The following CLDN14 variants were observed in gnomAD, a reference collection of about 807,000 sequenced individuals.
CLDN14 encodes the protein claudin-14.
CLDN14 carries 2 observed loss-of-function variants against 2.1 expected under a neutral mutation model. The ratio of observed to expected loss-of-function variants is 0.96; its 90% CI spans 0.39 to 3.01. The LOEUF (loss-of-function observed/expected upper bound fraction) is 3.01. Ranked by LOEUF, CLDN14 falls within the 30% of genes most tolerant of loss-of-function variation. The pLI, the probability that CLDN14 is intolerant of heterozygous loss-of-function variation, is 0.09. For synonymous variants in CLDN14, 136 were observed against 154.4 expected (o/e 0.88, Z 0.88); for missense variants, 298 against 328.0 (o/e 0.91, Z 0.71).
chr21:36,494,783 C>T (rs983278700), intron 2 of CLDN14, among the ~76,000 whole-genome samples: 1 of 152,228 alleles, frequency 6.6e-6, no homozygotes, highest in African/African-American at 2.4e-5. Context: ...TCTCGGACTT[C>T]CAGCCTCCAG....
intron 2 of CLDN14, chr21:36,485,934 C>T (rs775877620): frequency 3.3e-5 from 36 of 1,086,052 alleles, no homozygotes; most frequent in African/African-American, 8.0e-5. Context: ...ATATTCTCTG[C>T]GTCCCATGCA....
chr21:36,461,705 G>A lies in CLDN14; in HGVS notation c.-10C>T, dbSNP rs1319635073. On this transcript the variant is annotated 5_prime_UTR_variant, in exon 2 of 2. Transcript: ENST00000399135. ...CGGCCGTGCTGGCCATGGTGCGGCT[G>A]CCTGCCTAGGCCAGCCGGGCAGCTC... 2 of 1,548,178 alleles carry A rather than the reference G, an allele frequency of 1.3e-6. No homozygotes were observed. The highest frequency in any genetic ancestry group is 1.7e-6 in the Non-Finnish European group (2 of 1,146,822).
intron 1 of CLDN14, chr21:36,531,857 A>G (rs2087382913): frequency 1.3e-5 from 2 of 152,184 alleles, no homozygotes; most frequent in African/African-American, 4.8e-5. Context: ...TTCAAAGTCA[A>G]GCGGATTCTG....
chr21:36,462,309 A>G (rs1050959084), intron 1 of CLDN14, among the ~76,000 whole-genome samples: 9 of 152,006 alleles, frequency 5.9e-5, no homozygotes, highest in Non-Finnish European at 1.2e-4. Flanking sequence ...CCAGAGCTGG[A>G]TGTGACCTAG....
intron 1 of CLDN14, among the ~76,000 whole-genome samples, chr21:36,518,053 A>T (rs1431203415): frequency 7.0e-6 from 1 of 143,874 alleles, no homozygotes. Flanking sequence ...CCGTAAAATA[A>T]ATCTCTCTCC....
intron 1 of CLDN14, among the ~76,000 whole-genome samples, chr21:36,530,427 C>T (rs1601625769): frequency 6.6e-6 from 1 of 152,386 alleles, no homozygotes; most frequent in East Asian, 1.9e-4. Context: ...CTTAAACCAG[C>T]TCACATGCCC....
intron 2 of CLDN14, among the ~76,000 whole-genome samples, chr21:36,496,299 T>A (rs1199016999): frequency 6.6e-6 from 1 of 151,746 alleles, no homozygotes; most frequent in African/African-American, 2.4e-5. Flanking sequence ...TAGCTGGGCA[T>A]GGTGATGCAC....
intron 2 of CLDN14, among the ~76,000 whole-genome samples, chr21:36,494,207 A>G (rs942710757): frequency 6.6e-6 from 1 of 152,160 alleles, no homozygotes; most frequent in African/African-American, 2.4e-5. Context: ...TTTCCTGCAC[A>G]CTGGTCGCCA....
At chr21:36,510,929 A>G (rs981515002) in intron 1 of CLDN14, among the ~76,000 whole-genome samples, 1 of 152,186 alleles carries the variant, frequency 6.6e-6, no homozygotes, top group South Asian at 2.1e-4. Flanking sequence ...CTTATTAAGA[A>G]CCCTCTTAAC....
chr21:36,486,579 G>T (rs767481526), intron 2 of CLDN14: 1 of 1,554,614 alleles, frequency 6.4e-7, no homozygotes, highest in South Asian at 1.1e-5. Context: ...CTGGGCCCAG[G>T]AGGCACTGCC....
At chr21:36,566,104 C>T (rs2087671212) in intron 1 of CLDN14, among the ~76,000 whole-genome samples, 1 of 152,032 alleles carries the variant, frequency 6.6e-6, no homozygotes. Context: ...TTAGTAAATC[C>T]CACTTCTACC....
chr21:36,512,579 T>G lies in CLDN14; in HGVS notation c.-219-2079A>C, dbSNP rs78146901. Among the ~76,000 whole-genome samples the G allele has an allele frequency of 3.3e-3, 509 of 152,302 alleles. 3 individuals carry two copies. The highest frequency in any genetic ancestry group is 0.011 in the African/African-American group (476 of 41,562). ...TATTCAGCCATTAACATGGATGAAT[T>G]GGATCCGTATGTACTCAGACTTGTG... On this transcript the variant is annotated intron_variant, in intron 1 of 2. Coordinates refer to the CLDN14 transcript ENST00000342108.
intron 1 of CLDN14, among the ~76,000 whole-genome samples, chr21:36,576,189 T>C (rs2087740137): frequency 6.6e-6 from 1 of 152,186 alleles, no homozygotes; most frequent in Non-Finnish European, 1.5e-5. Flanking sequence ...TAAAACAAGC[T>C]GGTGAACTAA....
chr21:36,556,778 C>T (rs1430834172), intron 1 of CLDN14, among the ~76,000 whole-genome samples: 4 of 152,200 alleles, frequency 2.6e-5, no homozygotes, highest in Non-Finnish European at 5.9e-5. Flanking sequence ...ATTCTCTTCT[C>T]TCTCTCTATC....
chr21:36,480,913 G>T (rs2086838937), upstream of CLDN14: 1 of 152,230 alleles, frequency 6.6e-6, no homozygotes, highest in African/African-American at 2.4e-5. Context: ...CAAAAGCCTG[G>T]CCCTTGTGTC....
intron 2 of CLDN14, among the ~76,000 whole-genome samples, chr21:36,490,984 A>ACC (rs1401103076): frequency 2.0e-5 from 3 of 149,234 alleles, no homozygotes; most frequent in Non-Finnish European, 4.5e-5. Flanking sequence ...ACACACACAC[A>ACC]CACACCCCTG....
chr21:36,552,031 T>C (rs2087566686), intron 1 of CLDN14, among the ~76,000 whole-genome samples: 1 of 152,228 alleles, frequency 6.6e-6, no homozygotes, highest in African/African-American at 2.4e-5. Flanking sequence ...AGTGATAAAG[T>C]TACTACATTC....
chr21:36,500,052 C>T (rs2087079824), intron 2 of CLDN14, among the ~76,000 whole-genome samples: 1 of 152,196 alleles, frequency 6.6e-6, no homozygotes, highest in Non-Finnish European at 1.5e-5. Flanking sequence ...TGGAAACACC[C>T]TGGGGCAACT....
At chr21:36,508,528 T>C (rs1568863632) in intron 2 of CLDN14, among the ~76,000 whole-genome samples, 1 of 152,192 alleles carries the variant, frequency 6.6e-6, no homozygotes, top group African/African-American at 2.4e-5. Flanking sequence ...AGTCCTTCTA[T>C]GTCATGGCCT....
Sources: gnomAD v4.1 joint callset for allele counts (sites outside exome capture counted in the v4.1 genomes callset) on GRCh38, gnomAD v4.1.1 for gene constraint, MANE v1.5 for transcripts, NCBI Gene and HGNC (gene_info 2026-07-23, HGNC 2026-07-21) for gene names.